TRERF1: variants seen among roughly 807,000 people sequenced by gnomAD.
TRERF1 encodes transcriptional regulating factor 1.
Under a neutral mutation model 122.9 loss-of-function variants are expected in TRERF1, and 27 were observed. That is an observed-to-expected ratio of 0.22 (90% confidence interval 0.16 to 0.30). The LOEUF is 0.30. Among genes scored for constraint, TRERF1 ranks in the 10% least tolerant of loss-of-function variants. The probability of loss-of-function intolerance (pLI) is 1.00; values close to 1 mark genes in which losing one functional copy is unlikely to be tolerated. For synonymous variants in TRERF1, 636 were observed against 641.7 expected (o/e 0.99, Z 0.13); for missense variants, 1,248 against 1,560.3 (o/e 0.80, Z 3.37).
In TRERF1 at chr6:42,312,267, G is replaced by A. The variant is rs977024611; in HGVS notation, c.-370-11518C>T. Among the ~76,000 whole-genome samples, 6 of 152,182 alleles carry A rather than the reference G, an allele frequency of 3.9e-5. No individual in the cohort carries two copies. In the South Asian group the frequency reaches 1.2e-3, roughly 32 times the overall value. Reference sequence around the variant, plus strand: ...AACCTTCCTATCATACTCCTTCCAAGGTTTGTTGGGCAGCAGATAGATGAG... The same window carrying A: ...AACCTTCCTATCATACTCCTTCCAAAGTTTGTTGGGCAGCAGATAGATGAG... On this transcript the variant is annotated intron_variant, in intron 3 of 17. Transcript: ENST00000372922.
intron 4 of TRERF1, among the ~76,000 whole-genome samples, chr6:42,287,551 C>T (rs1453392150): frequency 6.6e-6 from 1 of 152,142 alleles, no homozygotes; most frequent in Non-Finnish European, 1.5e-5. Context: ...TTTGCTCTCT[C>T]CACCTCCTCC....
At chr6:42,448,470 A>G (rs779536712) in intron 2 of TRERF1, among the ~76,000 whole-genome samples, 2 of 152,226 alleles carry the variant, frequency 1.3e-5, no homozygotes, top group Non-Finnish European at 2.9e-5. Flanking sequence ...CAGGCCACTC[A>G]AGAGACCTTT....
At chr6:42,369,945 C>T (rs1025932223) in intron 2 of TRERF1, among the ~76,000 whole-genome samples, 8 of 152,204 alleles carry the variant, frequency 5.3e-5, no homozygotes, top group Non-Finnish European at 8.8e-5. Flanking sequence ...CCCAGTCCCT[C>T]TAAACCTACC....
At chr6:42,236,256 G>A in exon 16 of TRERF1, 3 of 1,612,490 alleles carry the variant, frequency 1.9e-6, no homozygotes, top group Non-Finnish European at 2.5e-6. Flanking sequence ...GCTGGCCCAG[G>A]GCCTGCAGGG....
chr6:42,343,673 TC>T (rs1767725722), intron 3 of TRERF1, among the ~76,000 whole-genome samples: 1 of 152,184 alleles, frequency 6.6e-6, no homozygotes. Flanking sequence ...CAAGAGAACT[TC>T]TGGAAGGAGG....
chr6:42,262,446 G>C (rs1019543022), intron 8 of TRERF1, among the ~76,000 whole-genome samples: 535 of 35,486 alleles, frequency 0.015, 48 homozygotes, highest in South Asian at 0.04. Flanking sequence ...GAGAGAGAGA[G>C]AGAGAGAGAG....
At chr6:42,329,467 G>T (rs1037784592) in intron 3 of TRERF1, among the ~76,000 whole-genome samples, 1 of 151,986 alleles carries the variant, frequency 6.6e-6, no homozygotes, top group Non-Finnish European at 1.5e-5. Context: ...TCTTCCCCAG[G>T]ACCAACCTCC....
intron 9 of TRERF1, 111 bp from the exon 10 acceptor site, chr6:42,258,312 G>C (rs1777130155): frequency 1.1e-6 from 1 of 915,056 alleles, no homozygotes; most frequent in Non-Finnish European, 1.7e-6. Context: ...CTCCTACCCA[G>C]CTCCTGCCAG....
At chr6:42,256,737 A>G (rs1447900410) in exon 12 of TRERF1, 1 of 1,613,898 alleles carries the variant, frequency 6.2e-7, no homozygotes, top group Non-Finnish European at 8.5e-7. Context: ...CCATCACATC[A>G]CCTTTGGCCT....
intron 2 of TRERF1, among the ~76,000 whole-genome samples, chr6:42,419,823 A>C (rs1386454699): frequency 6.6e-6 from 1 of 152,218 alleles, no homozygotes; most frequent in Non-Finnish European, 1.5e-5. Context: ...TTGACTGGGC[A>C]GAATGTGAGG....
At chr6:42,321,029 C>A (rs1008426899) in intron 3 of TRERF1, among the ~76,000 whole-genome samples, 16 of 151,280 alleles carry the variant, frequency 1.1e-4, no homozygotes, top group Non-Finnish European at 2.4e-4. Flanking sequence ...GACGCCAGAA[C>A]AACGGAGGGC....
At chr6:42,244,561 G>A (rs1774404816) in intron 14 of TRERF1, among the ~76,000 whole-genome samples, 1 of 152,178 alleles carries the variant, frequency 6.6e-6, no homozygotes, top group Admixed American at 6.5e-5. Flanking sequence ...ACAAAAGGGA[G>A]CACACTATAA....
chr6:42,289,316 G>C (rs1174962596), intron 4 of TRERF1, among the ~76,000 whole-genome samples: 1 of 149,838 alleles, frequency 6.7e-6, no homozygotes, highest in African/African-American at 2.5e-5. Context: ...GGGTGACAGA[G>C]TGAGACTCTG....
At chr6:42,373,155 G>A (rs1274303437) in intron 2 of TRERF1, among the ~76,000 whole-genome samples, 1 of 152,214 alleles carries the variant, frequency 6.6e-6, no homozygotes, top group African/African-American at 2.4e-5. Context: ...CTGCTGGTGT[G>A]GCCGGGGCAC....
chr6:42,348,123 G>A (rs1768683602), intron 3 of TRERF1, among the ~76,000 whole-genome samples: 1 of 152,200 alleles, frequency 6.6e-6, no homozygotes, highest in Admixed American at 6.5e-5. Flanking sequence ...TCCACACTAT[G>A]AAGGTGGGGA....
intron 2 of TRERF1, among the ~76,000 whole-genome samples, chr6:42,401,932 T>C (rs1779443734): frequency 6.6e-6 from 1 of 152,246 alleles, no homozygotes; most frequent in African/African-American, 2.4e-5. Flanking sequence ...AAAAAGGTCT[T>C]GGGCTTTGAA....
intron 3 of TRERF1, among the ~76,000 whole-genome samples, chr6:42,348,747 C>A (rs1768821634): frequency 6.6e-6 from 1 of 152,126 alleles, no homozygotes; most frequent in Non-Finnish European, 1.5e-5. Flanking sequence ...CACCTTTGGT[C>A]TAATGGTACA....
intron 14 of TRERF1, among the ~76,000 whole-genome samples, chr6:42,245,663 G>C (rs1041248662): frequency 6.6e-6 from 1 of 152,152 alleles, no homozygotes; most frequent in Non-Finnish European, 1.5e-5. Flanking sequence ...TTTTGCTTTC[G>C]AATGCTGTAT....
At chr6:42,289,178 G>T (rs1582838926) in intron 4 of TRERF1, among the ~76,000 whole-genome samples, 1 of 151,690 alleles carries the variant, frequency 6.6e-6, no homozygotes, top group African/African-American at 2.4e-5. Context: ...ACAAAAAAAT[G>T]AGCTGGGTGT....
Sources: gnomAD v4.1 joint callset for allele counts (sites outside exome capture counted in the v4.1 genomes callset) on GRCh38, gnomAD v4.1.1 for gene constraint, MANE v1.5 for transcripts, NCBI Gene and HGNC (gene_info 2026-07-23, HGNC 2026-07-21) for gene names.